Variants in CRIM1 observed in about 807,000 individuals in gnomAD.
The protein encoded by CRIM1 is cysteine rich transmembrane BMP regulator 1, also known as cysteine-rich motor neuron 1 protein.
In CRIM1, 32 loss-of-function variants were observed where a neutral mutation model predicts 116.4. That is an observed-to-expected ratio of 0.27 (90% CI 0.21 to 0.37). The LOEUF (loss-of-function observed/expected upper bound fraction) is 0.37, where lower values mean the gene tolerates loss of function less well. Ranked by LOEUF, CRIM1 falls within the 10% of genes least tolerant of loss-of-function variation. The pLI is 1.00. For missense variants in CRIM1, 1,331 were observed against 1,354.8 expected, an observed-to-expected ratio of 0.98 and a Z score of 0.28; for synonymous variants, 590 against 509.2, an observed-to-expected ratio of 1.16 and a Z score of -2.13.
At chr2:36,490,050 G>A (rs566178234) in intron 7 of CRIM1, among the ~76,000 whole-genome samples, 11 of 152,252 alleles carry the variant, frequency 7.2e-5, no homozygotes, top group Non-Finnish European at 1.3e-4. Flanking sequence ...TGCTTTTCAC[G>A]TTATCAGTGG....
intron 4 of CRIM1, among the ~76,000 whole-genome samples, chr2:36,464,132 C>G (rs182484468): frequency 6.6e-6 from 1 of 152,156 alleles, no homozygotes; most frequent in African/African-American, 2.4e-5. Flanking sequence ...GGCCATTTAG[C>G]ACGGGAACAC....
At chr2:36,503,285 C>T (rs1225603757) in intron 8 of CRIM1, among the ~76,000 whole-genome samples, 3 of 152,194 alleles carry the variant, frequency 2.0e-5, no homozygotes, top group Non-Finnish European at 2.9e-5. Flanking sequence ...GGGTCCACCA[C>T]AAATTATGCT....
chr2:36,509,882 G>T, intron 8 of CRIM1, 101 bp from the exon 9 acceptor site: 1 of 1,020,300 alleles, frequency 9.8e-7, no homozygotes, highest in African/African-American at 1.6e-5. Flanking sequence ...GAGAAATTGA[G>T]ATCTGTGGAA....
At chr2:36,534,841 T>C (rs1414084256) in intron 13 of CRIM1, among the ~76,000 whole-genome samples, 2 of 152,082 alleles carry the variant, frequency 1.3e-5, no homozygotes, top group African/African-American at 4.8e-5. Flanking sequence ...TTACCTCCTG[T>C]CTGGTTTCTT....
intron 7 of CRIM1, among the ~76,000 whole-genome samples, chr2:36,485,007 C>A (rs1453416177): frequency 6.6e-6 from 1 of 152,076 alleles, no homozygotes; most frequent in Non-Finnish European, 1.5e-5. Flanking sequence ...TATCAGAGTC[C>A]ATAGTATTCA....
At chr2:36,486,195 A>C (rs1025497895) in intron 7 of CRIM1, among the ~76,000 whole-genome samples, 1 of 152,248 alleles carries the variant, frequency 6.6e-6, no homozygotes, top group African/African-American at 2.4e-5. Context: ...TTTCACAGCT[A>C]TATAGAAATA....
intron 2 of CRIM1, among the ~76,000 whole-genome samples, chr2:36,422,106 G>A (rs529018271): frequency 1.3e-5 from 2 of 150,954 alleles, no homozygotes; most frequent in East Asian, 3.9e-4. Flanking sequence ...TTGAGAAGTG[G>A]CAGAATTGGG....
chr2:36,529,246 C>T, intron 13 of CRIM1: 1 of 469,894 alleles, frequency 2.1e-6, no homozygotes, highest in Non-Finnish European at 4.4e-6. Context: ...CCTCTGGAGA[C>T]TGCTGGCAGA....
chr2:36,456,058 A>AGGAGT (rs1677107784), intron 4 of CRIM1, among the ~76,000 whole-genome samples: 1 of 152,142 alleles, frequency 6.6e-6, no homozygotes, highest in South Asian at 2.1e-4. Flanking sequence ...GGCGGCCTGA[A>AGGAGT]GGAGTGTTAG....
rs6744580 is a variant in CRIM1 at position 36,544,630 on chromosome 2, G to A, written c.2746+132G>A. ...AGTAAATTCAAATAACTATTCCCGG[G>A]CAGACCTGCTTGGCTGAAACATATT... is the stretch of plus-strand genomic sequence containing the variant. On this transcript the variant is annotated intron_variant, in intron 15 of 16. Transcript: ENST00000280527. The A allele has an allele frequency of 9.3e-6, 9 of 962,576 alleles. No homozygotes were observed. The African/African-American group carries it at 1.5e-4, about 16-fold the overall frequency. 59.6% of individuals were successfully genotyped at this position (962,576 alleles called of 1,614,324 possible). A position where few individuals can be genotyped will look rare whatever the true frequency, so the allele number is the denominator to read the frequency against.
chr2:36,533,425 CAAAAA>C (rs35978594), intron 13 of CRIM1, among the ~76,000 whole-genome samples: 1 of 99,382 alleles, frequency 1.0e-5, no homozygotes, highest in Non-Finnish European at 2.1e-5. Flanking sequence ...CCCATCTCCA[CAAAAA>C]AAAAAAAAAA....
At chr2:36,471,191 G>A (rs1678484915) in intron 5 of CRIM1, among the ~76,000 whole-genome samples, 1 of 152,152 alleles carries the variant, frequency 6.6e-6, no homozygotes, top group Non-Finnish European at 1.5e-5. Flanking sequence ...AGGATGCTGT[G>A]ACAACATCTT....
chr2:36,433,847 A>G (rs905612516), intron 2 of CRIM1, among the ~76,000 whole-genome samples: 4 of 152,180 alleles, frequency 2.6e-5, no homozygotes, highest in Non-Finnish European at 5.9e-5. Flanking sequence ...ACAATTTAAT[A>G]TGGCATTTTT....
At chr2:36,506,361 C>T (rs1011900248) in intron 8 of CRIM1, among the ~76,000 whole-genome samples, 6 of 151,970 alleles carry the variant, frequency 3.9e-5, no homozygotes, top group Non-Finnish European at 8.8e-5. Flanking sequence ...GGTTTTTATT[C>T]CCCTCCTAAA....
chr2:36,543,641 G>A (rs74808909), intron 14 of CRIM1, among the ~76,000 whole-genome samples: 1,571 of 151,670 alleles, frequency 0.01, 19 homozygotes, highest in African/African-American at 0.035. Flanking sequence ...TTAGCTGGAT[G>A]AAGTATAAAT....
At chr2:36,522,649 G>T (rs533104225) in intron 13 of CRIM1, among the ~76,000 whole-genome samples, 1 of 151,764 alleles carries the variant, frequency 6.6e-6, no homozygotes, top group South Asian at 2.1e-4. Context: ...CAAAAATACA[G>T]AAATTAGCTG....
intron 2 of CRIM1, among the ~76,000 whole-genome samples, chr2:36,431,307 A>G (rs906229305): frequency 5.9e-5 from 9 of 152,240 alleles, no homozygotes; most frequent in African/African-American, 2.2e-4. Flanking sequence ...TTTACATAAT[A>G]TGAAAAAGTA....
chr2:36,473,114 G>A (rs1245956865), intron 5 of CRIM1, among the ~76,000 whole-genome samples: 1 of 152,140 alleles, frequency 6.6e-6, no homozygotes, highest in Non-Finnish European at 1.5e-5. Context: ...TACTCGTTCT[G>A]TCTTCTTAGC....
chr2:36,543,313 TTC>T (rs1344348980), intron 14 of CRIM1, among the ~76,000 whole-genome samples: 1 of 152,218 alleles, frequency 6.6e-6, no homozygotes, highest in African/African-American at 2.4e-5. Flanking sequence ...CACTTTCCTC[TTC>T]TCTCAAAGTC....
Sources: gnomAD v4.1 joint callset for allele counts (sites outside exome capture counted in the v4.1 genomes callset) on GRCh38, gnomAD v4.1.1 for gene constraint, MANE v1.5 for transcripts, NCBI Gene and HGNC (gene_info 2026-07-23, HGNC 2026-07-21) for gene names.